PLCL1: variants seen among roughly 807,000 people sequenced by gnomAD.
PLCL1 encodes the protein phospholipase C like 1 (inactive), also known as inactive phospholipase C-like protein 1.
PLCL1 carries 41 observed loss-of-function variants against 84.4 expected under a neutral mutation model. The ratio of observed to expected loss-of-function variants is 0.49; its 90% CI spans 0.38 to 0.63. The LOEUF (loss-of-function observed/expected upper bound fraction) is 0.63, where lower values mean the gene tolerates loss of function less well. PLCL1 is among the 30% of genes least tolerant of loss of function. PLCL1 has a pLI of 0.00. For synonymous variants in PLCL1, 490 were observed against 488.3 expected, an observed-to-expected ratio of 1.00 and a Z score of -0.05; for missense variants, 1,206 against 1,367.8, an observed-to-expected ratio of 0.88 and a Z score of 1.87.
intron 1 of PLCL1, among the ~76,000 whole-genome samples, chr2:197,907,455 C>T (rs1349259766): frequency 2.6e-5 from 4 of 152,084 alleles, no homozygotes; most frequent in African/African-American, 9.7e-5. Flanking sequence ...CCAGGCTGGT[C>T]TTGAACTCCT....
intron 2 of PLCL1, among the ~76,000 whole-genome samples, chr2:198,086,663 T>C (rs958397931): frequency 2.6e-5 from 4 of 152,198 alleles, no homozygotes; most frequent in Non-Finnish European, 4.4e-5. Flanking sequence ...CTGTGTACCA[T>C]TGAACTAAGT....
chr2:198,135,267 C>A (rs919325528), intron 5 of PLCL1, among the ~76,000 whole-genome samples: 1 of 152,118 alleles, frequency 6.6e-6, no homozygotes, highest in Non-Finnish European at 1.5e-5. Flanking sequence ...GATGTTGGAA[C>A]TTTTAAACAG....
chr2:197,813,012 G>A (rs1046322880), intron 1 of PLCL1, among the ~76,000 whole-genome samples: 9 of 152,120 alleles, frequency 5.9e-5, no homozygotes, highest in Admixed American at 3.9e-4. Flanking sequence ...ATGAGGGTGC[G>A]CACACCTTCT....
chr2:198,139,386 T>G (rs553261919), intron 5 of PLCL1, among the ~76,000 whole-genome samples: 1 of 152,324 alleles, frequency 6.6e-6, no homozygotes, highest in South Asian at 2.1e-4. Flanking sequence ...TACATTTGCA[T>G]TATCATTTTC....
chr2:197,889,971 T>G (rs1687985271), intron 1 of PLCL1, among the ~76,000 whole-genome samples: 1 of 152,174 alleles, frequency 6.6e-6, no homozygotes, highest in South Asian at 2.1e-4. Context: ...GCAGAAGCAG[T>G]GCCCCAATTT....
At chr2:198,139,127 C>T (rs1414144324) in intron 5 of PLCL1, among the ~76,000 whole-genome samples, 1 of 151,828 alleles carries the variant, frequency 6.6e-6, no homozygotes, top group East Asian at 1.9e-4. Flanking sequence ...TGCACTCCAG[C>T]CTGGGCAACA....
chr2:198,055,605 A>G (rs919505569), intron 1 of PLCL1, among the ~76,000 whole-genome samples: 2 of 151,404 alleles, frequency 1.3e-5, no homozygotes. Flanking sequence ...TGATGAGGTG[A>G]AGCATGAAGC....
intron 1 of PLCL1, among the ~76,000 whole-genome samples, chr2:197,924,775 G>T (rs1438414779): frequency 6.6e-6 from 1 of 151,986 alleles, no homozygotes; most frequent in Non-Finnish European, 1.5e-5. Context: ...ATTATATTCT[G>T]AGGACTTAAG....
intron 1 of PLCL1, among the ~76,000 whole-genome samples, chr2:197,809,257 A>T (rs1690537682): frequency 6.6e-6 from 1 of 152,194 alleles, no homozygotes; most frequent in Non-Finnish European, 1.5e-5. Context: ...TAAAGTATGG[A>T]AGGAAGGCAC....
chr2:198,009,975 C>T (rs960031479), intron 1 of PLCL1, among the ~76,000 whole-genome samples: 3 of 151,866 alleles, frequency 2.0e-5, no homozygotes, highest in Admixed American at 6.6e-5. Context: ...ATTTTCTTTC[C>T]AGATTGGTCT....
chr2:198,109,702 C>G (rs1197594374), intron 5 of PLCL1, among the ~76,000 whole-genome samples: 1 of 151,802 alleles, frequency 6.6e-6, no homozygotes, highest in African/African-American at 2.4e-5. Context: ...AGTGATTTGA[C>G]TTTTTAAGTA....
At chr2:198,132,466 A>G (rs1397442460) in intron 5 of PLCL1, among the ~76,000 whole-genome samples, 1 of 150,700 alleles carries the variant, frequency 6.6e-6, no homozygotes, top group African/African-American at 2.4e-5. Context: ...TGGGGGGGGG[A>G]GTCCACATAT....
chr2:198,096,696 C>T lies in PLCL1; in HGVS notation c.2920-4589C>T, dbSNP rs368562176. Among the ~76,000 whole-genome samples, 73 of 152,114 alleles carry T rather than the reference C, an allele frequency of 4.8e-4. No homozygotes were observed. In the East Asian group the frequency reaches 6.4e-3, roughly 13 times the overall value. On this transcript the variant is annotated intron_variant, in intron 3 of 5. Transcript: ENST00000428675. The stretch of plus-strand genomic sequence containing the variant: ...AAATTTGTTGTTAAAAAAAGGAAAT[C>T]AAAACAATCTAGAGAACATAAGTCA...
intron 1 of PLCL1, among the ~76,000 whole-genome samples, chr2:198,076,050 A>T (rs1159097541): frequency 1.3e-5 from 2 of 152,214 alleles, no homozygotes; most frequent in Non-Finnish European, 2.9e-5. Context: ...TTTTATTTAG[A>T]TTGTCCCTTC....
chr2:197,959,799 T>A (rs979035390), intron 1 of PLCL1, among the ~76,000 whole-genome samples: 1 of 152,110 alleles, frequency 6.6e-6, no homozygotes, highest in Non-Finnish European at 1.5e-5. Flanking sequence ...ACAGTGTAGC[T>A]GAGCCACAGA....
At position 197,946,027 on chromosome 2, in the gene PLCL1, T is replaced by A. The variant is rs1518362; in HGVS notation, c.241-137731T>A. Among the ~76,000 whole-genome samples, 1,101 of 152,290 alleles carry A rather than the reference T, an allele frequency of 7.2e-3. 14 individuals are homozygous for A. Among genetic ancestry groups the A allele is most frequent in the African/African-American group, 0.025 (1,053 of 41,562 alleles). ...AAATTTAATGTCAACCATGTACAAT[T>A]TGACTATGCTAAATGCTGAGGTTAC... On this transcript the variant is annotated intron_variant, in intron 1 of 5. Coordinates refer to ENST00000428675, the MANE Select transcript of PLCL1 (RefSeq NM_006226.4).
At chr2:198,082,249 A>G (rs1005088727) in intron 1 of PLCL1, among the ~76,000 whole-genome samples, 10 of 152,312 alleles carry the variant, frequency 6.6e-5, no homozygotes, top group African/African-American at 2.4e-4. Context: ...GAGAGAGGTT[A>G]AGTGACTCAC....
chr2:198,008,237 C>T (rs1029812932), intron 1 of PLCL1, among the ~76,000 whole-genome samples: 1 of 151,966 alleles, frequency 6.6e-6, no homozygotes, highest in Non-Finnish European at 1.5e-5. Flanking sequence ...ATTAAATTTA[C>T]CATCTCAACC....
At chr2:198,044,674 G>A (rs1691745890) in intron 1 of PLCL1, among the ~76,000 whole-genome samples, 1 of 152,118 alleles carries the variant, frequency 6.6e-6, no homozygotes, top group Admixed American at 6.5e-5. Context: ...TTTTAAAAGT[G>A]AGTCATTATC....
Sources: gnomAD v4.1 joint callset for allele counts (sites outside exome capture counted in the v4.1 genomes callset) on GRCh38, gnomAD v4.1.1 for gene constraint, MANE v1.5 for transcripts, NCBI Gene and HGNC (gene_info 2026-07-23, HGNC 2026-07-21) for gene names.